AKAP13: variants seen among roughly 807,000 people sequenced by gnomAD.
AKAP13 encodes the protein A-kinase anchor protein 13.
A neutral mutation model predicts 264.5 loss-of-function variants in AKAP13; 80 were observed. The ratio of observed to expected loss-of-function variants is 0.30; its 90% confidence interval spans 0.25 to 0.36. The LOEUF (loss-of-function observed/expected upper bound fraction) is 0.36. AKAP13 is among the 10% of genes least tolerant of loss of function. The pLI is 1.00. For missense variants in AKAP13, 3,712 were observed against 3,435.2 expected (o/e 1.08, Z -2.01); for synonymous variants, 1,380 against 1,250.2 (o/e 1.10, Z -2.19).
chr15:85,446,738 T>A (rs1355588321), intron 1 of AKAP13, among the ~76,000 whole-genome samples: 3 of 145,486 alleles, frequency 2.1e-5, no homozygotes, highest in Non-Finnish European at 3.0e-5. Flanking sequence ...TGAGACAGAG[T>A]CTCGCTGTGT....
chr15:85,529,215 G>A (rs1463485151), intron 3 of AKAP13, among the ~76,000 whole-genome samples: 2 of 152,072 alleles, frequency 1.3e-5, no homozygotes, highest in African/African-American at 4.8e-5. Flanking sequence ...AGGTCAGGAG[G>A]TCGAGACCAT....
rs111390121 is a variant in AKAP13, at chr15:85,610,812, C to T, written c.4161+24989C>T. 6.2e-4 allele frequency among the ~76,000 whole-genome samples: 94 copies of T among 151,586 alleles called. 2 individuals carry two copies. The highest frequency in any genetic ancestry group is 1.6e-4 in the Non-Finnish European group (11 of 67,866). Reference sequence around the variant, plus strand: ...CTAACATGGTGAAACTCCCCCGTCTCTACTAAAAATAAAAAAATTAGCCGG... The same window carrying T: ...CTAACATGGTGAAACTCCCCCGTCTTTACTAAAAATAAAAAAATTAGCCGG... On this transcript the variant is annotated intron_variant, in intron 8 of 36. Transcript: ENST00000394518.
chr15:85,743,541 G>C lies in AKAP13; in HGVS notation c.8108G>C (p.Ser2703Thr). ...KLMRIPSFFP[S>T]PEEPPSPSAP... Reference sequence around the variant, plus strand: ...ATGAGGATCCCATCGTTCTTCCCCAGTCCTGAGGAGCCCCCCTCGCCATCT... The same window carrying C: ...ATGAGGATCCCATCGTTCTTCCCCACTCCTGAGGAGCCCCCCTCGCCATCT... The change falls in exon 36 of 37, where the codon AGT (serine) becomes ACT (threonine). Residue 2703 changes from serine (S) to threonine (T), a missense_variant. By Grantham distance (58) the Ser-to-Thr change is moderately conservative. Transcript: ENST00000394518. 6.2e-7 allele frequency: 1 copy of C among 1,614,178 alleles called. No individual in the cohort carries two copies. Among genetic ancestry groups the C allele is most frequent in the African/African-American group, 1.3e-5 (1 of 75,036 alleles).
At chr15:85,399,356 C>T (rs1388884773) in intron 1 of AKAP13, among the ~76,000 whole-genome samples, 2 of 148,478 alleles carry the variant, frequency 1.3e-5, no homozygotes, top group African/African-American at 5.0e-5. Flanking sequence ...ATTAGCCGGG[C>T]GCGGTGGCGG....
At chr15:85,732,725 T>C (rs911490546) in intron 30 of AKAP13, among the ~76,000 whole-genome samples, 1 of 150,068 alleles carries the variant, frequency 6.7e-6, no homozygotes, top group Non-Finnish European at 1.5e-5. Flanking sequence ...CTATTACTCA[T>C]AACTGTTAGT....
intron 19 of AKAP13, among the ~76,000 whole-genome samples, chr15:85,711,220 C>CT (rs148954460): frequency 0.013 from 1,978 of 151,476 alleles, 26 homozygotes; most frequent in African/African-American, 0.038. Context: ...GAAAATAGTT[C>CT]TTTTTTTTTA....
In AKAP13 at chr15:85,746,132, G is replaced by A. The variant is rs12905492; in HGVS notation, c.*1455G>A. 53,809 of 152,308 alleles carry A rather than the reference G, an allele frequency of 0.35. 11,908 individuals carry two copies. The highest frequency in any genetic ancestry group is 0.53 in the Middle Eastern group (157 of 294). The allele number at this position is 152,308 out of a possible 1,614,324, so 9.4% of individuals were successfully genotyped here. ...TTCAATTCTTGCTTTTTTGCCCCTC[G>A]GAAGCATGGGGCTTTTGAGCACACT... On this transcript the variant is annotated 3_prime_UTR_variant, in exon 37 of 37. Transcript: ENST00000394518.
chr15:85,687,531 C>T (rs2085011094), intron 16 of AKAP13, among the ~76,000 whole-genome samples: 1 of 152,116 alleles, frequency 6.6e-6, no homozygotes, highest in Admixed American at 6.5e-5. Flanking sequence ...GACTTGGCTT[C>T]AAGATTTGAT....
chr15:85,707,793 C>T (rs1218105560), intron 17 of AKAP13, among the ~76,000 whole-genome samples: 4 of 143,938 alleles, frequency 2.8e-5, no homozygotes, highest in African/African-American at 1.0e-4. Context: ...AATAAAGACA[C>T]AAACACCGAA....
chr15:85,636,326 C>T (rs766595519), intron 8 of AKAP13, among the ~76,000 whole-genome samples: 12 of 152,152 alleles, frequency 7.9e-5, no homozygotes, highest in African/African-American at 2.2e-4. Flanking sequence ...TAGGCAGTCA[C>T]GCCATTTGTG....
intron 8 of AKAP13, 58 bp downstream of exon 8, chr15:85,585,881 G>C (rs191890961): frequency 6.3e-7 from 1 of 1,586,916 alleles, no homozygotes; most frequent in Admixed American, 1.7e-5. Flanking sequence ...GTTCTGCTGT[G>C]TCTTATTTAT....
At chr15:85,583,472 A>G (rs2079206029) in intron 7 of AKAP13, among the ~76,000 whole-genome samples, 1 of 152,184 alleles carries the variant, frequency 6.6e-6, no homozygotes, top group East Asian at 1.9e-4. Context: ...AGTGATAGAT[A>G]CTTGCTGGCT....
chr15:85,703,710 G>T (rs989537180), intron 17 of AKAP13, among the ~76,000 whole-genome samples: 1 of 151,992 alleles, frequency 6.6e-6, no homozygotes, highest in African/African-American at 2.4e-5. Flanking sequence ...AGGCGTAGTG[G>T]CATGGACCGG....
chr15:85,650,774 A>AAAAAAC (rs2082781050), intron 10 of AKAP13, among the ~76,000 whole-genome samples: 1 of 143,242 alleles, frequency 7.0e-6, no homozygotes, highest in Admixed American at 7.0e-5. Context: ...AAAAAAAAAA[A>AAAAAAC]AAAAAAAAAA....
At chr15:85,704,966 T>C (rs2086147937) in intron 17 of AKAP13, among the ~76,000 whole-genome samples, 1 of 152,162 alleles carries the variant, frequency 6.6e-6, no homozygotes, top group South Asian at 2.1e-4. Context: ...AGTTGAGTGT[T>C]TTTCAAGTAG....
At chr15:85,529,472 T>C (rs1267866370) in intron 3 of AKAP13, among the ~76,000 whole-genome samples, 1 of 152,196 alleles carries the variant, frequency 6.6e-6, no homozygotes, top group Non-Finnish European at 1.5e-5. Flanking sequence ...ACAAAGGTAG[T>C]CATATGACTA....
chr15:85,688,565 T>C (rs899824565), intron 16 of AKAP13, among the ~76,000 whole-genome samples: 2 of 152,236 alleles, frequency 1.3e-5, no homozygotes, highest in African/African-American at 2.4e-5. Flanking sequence ...AAATAGGTTA[T>C]AGTGATTAAC....
rs144976910 is a variant in AKAP13, at chr15:85,664,693, G to A, written c.4930G>A (p.Val1644Met). Residue 1644 changes from valine (V) to methionine (M), a missense_variant, in exon 13 of 37, where the codon GTG becomes ATG. This residue lies in a region of AKAP13 where 2,759 missense variants were observed against 2,411.7 expected (regional missense o/e 1.14). Coordinates refer to ENST00000394518, the MANE Select transcript of AKAP13 (RefSeq NM_007200.5). ...TGGTGAGGAACGGGTTGACTCTTTG[G>A]TGTCACTTTCAGAAGAGGATCTGGA... ...FSGEERVDSL[V>M]SLSEEDLESD... 6 of 1,613,960 alleles carry A rather than the reference G, an allele frequency of 3.7e-6. No individual in the cohort carries two copies. Among genetic ancestry groups the A allele is most frequent in the Non-Finnish European group, 5.1e-6 (6 of 1,179,980 alleles).
chr15:85,394,929 T>G (rs145526528), intron 1 of AKAP13, among the ~76,000 whole-genome samples: 312 of 152,340 alleles, frequency 2.0e-3, no homozygotes, highest in Non-Finnish European at 3.9e-3. Context: ...TCCTTTCTAC[T>G]TTGCTTGGAG....
Sources: allele counts gnomAD v4.1 joint callset (sites outside exome capture counted in the v4.1 genomes callset), GRCh38; gene constraint gnomAD v4.1.1; regional missense constraint gnomAD v4.1.1; transcripts MANE v1.5; gene names NCBI Gene and HGNC (gene_info 2026-07-23, HGNC 2026-07-21).